QTGAL: variants seen among roughly 807,000 people sequenced by gnomAD.
QTGAL encodes the protein queuosine-tRNA galactosyltransferase.
chr17:82,988,213 G>A, the QTGAL span, among the ~76,000 whole-genome samples: 1 of 152,102 alleles, frequency 6.6e-6, no homozygotes, highest in Non-Finnish European at 1.5e-5. Context: ...CATGTTGTCT[G>A]CAAACAGAGC....
the QTGAL span, among the ~76,000 whole-genome samples, chr17:82,986,182 C>T: frequency 6.6e-6 from 1 of 152,242 alleles, no homozygotes; most frequent in South Asian, 2.1e-4. Flanking sequence ...TGCCCGTGAA[C>T]TCGGCTGCAG....
the QTGAL span, among the ~76,000 whole-genome samples, chr17:82,970,708 G>A: frequency 7.5e-6 from 1 of 132,670 alleles, no homozygotes; most frequent in South Asian, 2.6e-4. Context: ...CACGGTGGCT[G>A]TGCCCTGGTC....
the QTGAL span, chr17:82,947,303 G>GAT: frequency 1.2e-4 from 41 of 344,500 alleles, no homozygotes; most frequent in South Asian, 8.1e-4. Context: ...TCTGCTGTTT[G>GAT]ACCAGGGCAG....
the QTGAL span, among the ~76,000 whole-genome samples, chr17:83,028,165 A>T: frequency 1.3e-5 from 2 of 152,060 alleles, no homozygotes; most frequent in African/African-American, 2.4e-5. Flanking sequence ...CGGGGATAAA[A>T]GGTAAGAGGT....
chr17:83,001,601 C>T, the QTGAL span, among the ~76,000 whole-genome samples: 17 of 2,098 alleles, frequency 8.1e-3, no homozygotes, highest in Admixed American at 0.1. Flanking sequence ...AGCAGAGGGG[C>T]GGGCGGGGTG....
the QTGAL span, among the ~76,000 whole-genome samples, chr17:83,041,540 CCGCTTA>C: frequency 6.6e-6 from 1 of 152,310 alleles, no homozygotes; most frequent in Admixed American, 6.5e-5. Context: ...GTAAGATTAA[CCGCTTA>C]CTTCTCATCA....
At chr17:82,968,465 G>A in the QTGAL span, among the ~76,000 whole-genome samples, 5 of 150,728 alleles carry the variant, frequency 3.3e-5, no homozygotes, top group Admixed American at 2.0e-4. Context: ...AGTCACCAGT[G>A]TGCACGGTGC....
At chr17:83,015,084 G>A in the QTGAL span, among the ~76,000 whole-genome samples, 13 of 149,994 alleles carry the variant, frequency 8.7e-5, no homozygotes, top group African/African-American at 3.0e-4. The surrounding 1 kb of genome is among the most constrained non-coding windows in gnomAD (Gnocchi z 4.4). Context: ...GGAGGGGACC[G>A]TCTGCGGTGA....
the QTGAL span, chr17:83,035,202 G>A: frequency 5.1e-6 from 5 of 978,832 alleles, no homozygotes; most frequent in Non-Finnish European, 7.4e-6. Flanking sequence ...TTTTCGAGAT[G>A]GAGTTTCCCT....
chr17:83,014,662 C>A, the QTGAL span: 1 of 859,160 alleles, frequency 1.2e-6, no homozygotes. Flanking sequence ...TTCAACTGAT[C>A]CTCTCGCCTC....
the QTGAL span, among the ~76,000 whole-genome samples, chr17:83,019,258 A>C: frequency 6.6e-6 from 1 of 152,204 alleles, no homozygotes. Flanking sequence ...TGGGGCGTCA[A>C]ATTACTCCAC....
chr17:82,985,940 G>C, the QTGAL span, among the ~76,000 whole-genome samples: 1 of 152,226 alleles, frequency 6.6e-6, no homozygotes, highest in Non-Finnish European at 1.5e-5. Context: ...GAACTCTGGT[G>C]ATGGGAGGAC....
At chr17:82,992,488 G>A in the QTGAL span, among the ~76,000 whole-genome samples, 2 of 152,158 alleles carry the variant, frequency 1.3e-5, no homozygotes, top group Admixed American at 6.5e-5. Context: ...AAACATGAAG[G>A]AGAGATAAAG....
the QTGAL span, among the ~76,000 whole-genome samples, chr17:83,032,223 C>T: frequency 2.7e-5 from 2 of 74,960 alleles, no homozygotes; most frequent in South Asian, 3.7e-4. Flanking sequence ...CGACCCAGAC[C>T]GAGCTTGGGA....
the QTGAL span, among the ~76,000 whole-genome samples, chr17:83,021,566 G>A: frequency 6.6e-6 from 1 of 152,226 alleles, no homozygotes; most frequent in South Asian, 2.1e-4. Flanking sequence ...CGGATTAGAA[G>A]ACTCAATACT....
chr17:83,038,716 G>A, the QTGAL span, among the ~76,000 whole-genome samples: 12 of 152,134 alleles, frequency 7.9e-5, no homozygotes, highest in East Asian at 7.7e-4. Context: ...AAAATTAGCC[G>A]GGCGTGGTGG....
chr17:82,980,440 A>AGGGCTCAGTCCCCCCCG, the QTGAL span, among the ~76,000 whole-genome samples: 1 of 151,962 alleles, frequency 6.6e-6, no homozygotes, highest in Non-Finnish European at 1.5e-5. Context: ...AGACCCCCCC[A>AGGGCTCAGTCCCCCCCG]GGTGAGGGCT....
chr17:83,033,713 C>T, the QTGAL span, among the ~76,000 whole-genome samples: 5 of 152,116 alleles, frequency 3.3e-5, no homozygotes, highest in South Asian at 8.3e-4. Context: ...CCTCGTGATC[C>T]ACCCGCCTCG....
At chr17:82,995,641 C>G in the QTGAL span, among the ~76,000 whole-genome samples, 1 of 152,156 alleles carries the variant, frequency 6.6e-6, no homozygotes, top group Non-Finnish European at 1.5e-5. Context: ...CCTCGCCCTC[C>G]CAAAGTGCTG....
Sources: allele counts gnomAD v4.1 joint callset (sites outside exome capture counted in the v4.1 genomes callset), GRCh38; gene constraint gnomAD v4.1.1; non-coding constraint Gnocchi (gnomAD v3.1); transcripts MANE v1.5; gene names NCBI Gene and HGNC (gene_info 2026-07-23, HGNC 2026-07-21).